Variants in OR52N4 observed in about 807,000 individuals in gnomAD.
OR52N4 encodes the protein olfactory receptor 52N4.
In OR52N4, 15 loss-of-function variants were observed where a neutral mutation model predicts 15.0. That is an observed-to-expected ratio of 1.00 (90% CI 0.67 to 1.54). The LOEUF (loss-of-function observed/expected upper bound fraction) is 1.54, where lower values mean the gene tolerates loss of function less well. Among genes scored for constraint, OR52N4 ranks in the 40% most tolerant of loss-of-function variants. The probability of loss-of-function intolerance (pLI) is 0.00; values close to 1 mark genes in which losing one functional copy is unlikely to be tolerated. For missense variants in OR52N4, 421 were observed against 394.0 expected (o/e 1.07, Z -0.58); for synonymous variants, 143 against 143.7 (o/e 1.00, Z 0.03).
the OR52N4 span, among the ~76,000 whole-genome samples, chr11:5,744,739 C>G: frequency 6.6e-6 from 1 of 152,014 alleles, no homozygotes. Flanking sequence ...ATGGCGAAAC[C>G]CTGTCTCTAC....
chr11:5,748,595 C>G, the OR52N4 span, among the ~76,000 whole-genome samples: 1 of 151,572 alleles, frequency 6.6e-6, no homozygotes, highest in Non-Finnish European at 1.5e-5. Flanking sequence ...CTTTTTGAAC[C>G]AGGGGCCATA....
the OR52N4 span, among the ~76,000 whole-genome samples, chr11:5,731,380 G>A: frequency 6.6e-6 from 1 of 152,194 alleles, no homozygotes. Flanking sequence ...ACCAGCAGGG[G>A]AGGCAAGAAT....
the OR52N4 span, among the ~76,000 whole-genome samples, chr11:5,741,348 G>C: frequency 6.6e-6 from 1 of 152,184 alleles, no homozygotes; most frequent in African/African-American, 2.4e-5. Context: ...TGAACACCCT[G>C]GTCAGAATTC....
the OR52N4 span, among the ~76,000 whole-genome samples, chr11:5,747,463 T>C: frequency 2.0e-5 from 3 of 151,968 alleles, no homozygotes; most frequent in East Asian, 1.9e-4. Context: ...AAAATGACAA[T>C]TGAGTTAACA....
chr11:5,744,306 G>A, the OR52N4 span, among the ~76,000 whole-genome samples: 28 of 152,256 alleles, frequency 1.8e-4, no homozygotes, highest in Admixed American at 1.4e-3. Context: ...TAATCATACT[G>A]ACACTGTTTC....
chr11:5,733,709 A>C, the OR52N4 span, among the ~76,000 whole-genome samples: 2 of 152,166 alleles, frequency 1.3e-5, no homozygotes, highest in Non-Finnish European at 2.9e-5. Flanking sequence ...TTTATGCCTA[A>C]CATGTTTTTC....
upstream of OR52N4, among the ~76,000 whole-genome samples, chr11:5,750,514 TG>T (rs1395345144): frequency 9.9e-5 from 15 of 152,056 alleles, no homozygotes; most frequent in Non-Finnish European, 1.6e-4. Context: ...TAAAGTGAGA[TG>T]GAGAAAAGAA....
At position 5,755,264 on chromosome 11, in the gene OR52N4, T is replaced by C. The variant is rs1854283234; in HGVS notation, c.524T>C (p.Ile175Thr). Residue 175 changes from isoleucine (I) to threonine (T), a missense_variant, in exon 2 of 2, where the codon ATA becomes ACA. Transcript: ENST00000641350. ...CTCCTGCCCTACTGCAGAGGCAATA[T>C]ACTTCCCCATACCTACTGTGACCAC... ...TKLLPYCRGN[I>T]LPHTYCDHMS... is the part of the protein sequence containing the mutation. The C allele has an allele frequency of 6.2e-7, 1 of 1,614,090 alleles. No individual in the cohort carries two copies. Among genetic ancestry groups the C allele is most frequent in the Non-Finnish European group, 8.5e-7 (1 of 1,179,978 alleles).
chr11:5,734,780 G>A, the OR52N4 span, among the ~76,000 whole-genome samples: 2 of 152,048 alleles, frequency 1.3e-5, no homozygotes, highest in African/African-American at 2.4e-5. Flanking sequence ...AAACTATTGT[G>A]TTGAACCCCT....
At chr11:5,736,712 C>A in the OR52N4 span, 1 of 1,614,022 alleles carries the variant, frequency 6.2e-7, no homozygotes, top group Non-Finnish European at 8.5e-7. Context: ...TTCTTTACAG[C>A]AGCCCATGTA....
Position 5,755,661 on chromosome 11 carries a change from A to G in OR52N4, c.921A>G (p.Ile307Met), listed in dbSNP as rs1854302210. ...VKTKQIRDCVIRILSGSKDTK... is the reference protein window; with the variant it reads ...VKTKQIRDCVMRILSGSKDTK... ...CCAAACAGATACGAGACTGTGTCAT[A>G]AGGATCCTTTCAGGTTCTAAGGATA... Residue 307 changes from isoleucine (I) to methionine (M), a missense_variant, in exon 2 of 2, where the codon ATA becomes ATG. By Grantham distance (10) the Ile-to-Met change is conservative (BLOSUM62 1). Transcript: ENST00000641350. The G allele has an allele frequency of 6.2e-7, 1 of 1,613,766 alleles. No individual in the cohort carries two copies. Among genetic ancestry groups the G allele is most frequent in the Admixed American group, 1.7e-5 (1 of 59,992 alleles).
the OR52N4 span, among the ~76,000 whole-genome samples, chr11:5,733,839 TCAAA>T: frequency 6.6e-6 from 1 of 152,198 alleles, no homozygotes; most frequent in Non-Finnish European, 1.5e-5. Context: ...TAAAAACCAT[TCAAA>T]CACTCTAAAA....
upstream of OR52N4, among the ~76,000 whole-genome samples, chr11:5,753,539 G>T (rs1330819214): frequency 6.6e-6 from 1 of 151,908 alleles, no homozygotes; most frequent in Non-Finnish European, 1.5e-5. Flanking sequence ...AGTTTGCGTT[G>T]ACTAGATACA....
chr11:5,749,966 A>G (rs1342677192), upstream of OR52N4, among the ~76,000 whole-genome samples: 1 of 151,980 alleles, frequency 6.6e-6, no homozygotes, highest in African/African-American at 2.4e-5. Context: ...GTTTGTACTT[A>G]TTAATAATAC....
upstream of OR52N4, among the ~76,000 whole-genome samples, chr11:5,751,203 T>C (rs60195174): frequency 5.5e-3 from 834 of 152,162 alleles, 8 homozygotes; most frequent in African/African-American, 0.019. Flanking sequence ...ATTATGTTTG[T>C]ATATATTTTT....
At chr11:5,731,402 C>T in the OR52N4 span, among the ~76,000 whole-genome samples, 35 of 152,192 alleles carry the variant, frequency 2.3e-4, no homozygotes, top group African/African-American at 7.9e-4. Context: ...GTGATAATAT[C>T]GAATTATTAT....
At chr11:5,734,213 G>A in the OR52N4 span, 9 of 455,844 alleles carry the variant, frequency 2.0e-5, no homozygotes, top group South Asian at 4.7e-5. Context: ...ATCCCAGACT[G>A]TGAGTCTGTG....
the OR52N4 span, chr11:5,736,452 G>T: frequency 2.2e-6 from 3 of 1,373,074 alleles, no homozygotes; most frequent in African/African-American, 2.9e-5. Context: ...TTTTATTTCT[G>T]TGGTGGTTCC....
the OR52N4 span, chr11:5,736,665 C>G: frequency 1.2e-6 from 2 of 1,614,026 alleles, no homozygotes; most frequent in Non-Finnish European, 1.7e-6. Flanking sequence ...GCACTTGCTG[C>G]AAACACCCTC....
Sources: gnomAD v4.1 joint callset for allele counts (sites outside exome capture counted in the v4.1 genomes callset) on GRCh38, gnomAD v4.1.1 for gene constraint, MANE v1.5 for transcripts, NCBI Gene and HGNC (gene_info 2026-07-23, HGNC 2026-07-21) for gene names.